The following SPARCL1 variants were observed in gnomAD, a reference collection of about 807,000 sequenced individuals.
The protein encoded by SPARCL1 is SPARC like 1, also known as SPARC-like protein 1.
A neutral mutation model predicts 67.1 loss-of-function variants in SPARCL1; 52 were observed. That is an observed-to-expected ratio of 0.78 (90% CI 0.62 to 0.98). SPARCL1 has a LOEUF of 0.98. Ranked by LOEUF, SPARCL1 falls within the 50% of genes least tolerant of loss-of-function variation. SPARCL1 has a pLI of 0.00. For missense variants in SPARCL1, 717 were observed against 782.4 expected (o/e 0.92, Z 1.00); for synonymous variants, 226 against 267.8 (o/e 0.84, Z 1.52).
rs771761918 is a variant in SPARCL1, at chr4:87,515,373, C to T, written c.-12+13672G>A. Among the ~76,000 whole-genome samples, 34 of 152,256 alleles carry T rather than the reference C, an allele frequency of 2.2e-4. 1 individual carries two copies. Among genetic ancestry groups the T allele is most frequent in the Middle Eastern group, 3.4e-3 (1 of 294 alleles). On this transcript the variant is annotated intron_variant, in intron 1 of 10. Coordinates refer to ENST00000282470, the MANE Select transcript of SPARCL1 (RefSeq NM_004684.6). ...ATCCTATAGTTATTTGGTAATTTCA[C>T]CAACTGTAAAAATGAAATGAAAGAT...
At position 87,504,406 on chromosome 4, in the gene SPARCL1, G is replaced by A. The variant is rs114188913; in HGVS notation, c.-11-4821C>T. On this transcript the variant is annotated intron_variant, in intron 1 of 10. Transcript: ENST00000282470. ...AATGGGTGTTTACTTTATTTAGAAC[G>A]GGTAATGGCATATAAAATATACTTG... 4.1e-3 allele frequency among the ~76,000 whole-genome samples: 621 copies of A among 152,112 alleles called. 5 individuals are homozygous for A. The highest frequency in any genetic ancestry group is 0.014 in the African/African-American group (591 of 41,484).
At chr4:87,497,313 G>A (rs1560820806) in intron 2 of SPARCL1, 1 of 714,562 alleles carries the variant, frequency 1.4e-6, no homozygotes, top group Non-Finnish European at 1.7e-6. Flanking sequence ...AAGAATGGTG[G>A]CCACTTTGGT....
intron 1 of SPARCL1, among the ~76,000 whole-genome samples, chr4:87,503,313 G>A (rs915367894): frequency 3.9e-5 from 6 of 152,168 alleles, no homozygotes; most frequent in Admixed American, 1.3e-4. Flanking sequence ...CAGTGTGAAT[G>A]GCTTCCTTCT....
intron 8 of SPARCL1, among the ~76,000 whole-genome samples, chr4:87,481,156 C>T (rs1259768444): frequency 2.0e-5 from 3 of 152,166 alleles, no homozygotes; most frequent in Non-Finnish European, 4.4e-5. Flanking sequence ...TGGAAGCAAA[C>T]AGGACCTCCA....
intron 1 of SPARCL1, among the ~76,000 whole-genome samples, chr4:87,515,642 C>T (rs574660506): frequency 9.2e-5 from 14 of 152,224 alleles, no homozygotes; most frequent in African/African-American, 2.6e-4. Flanking sequence ...TTCAGGAGAA[C>T]CTCAGCTGGA....
Position 87,499,592 on chromosome 4 carries a change from A to C in SPARCL1, c.-11-7T>G. On this transcript the variant is annotated splice_region_variant and splice_polypyrimidine_tract_variant and intron_variant, in intron 1 of 10. Coordinates refer to ENST00000282470, the MANE Select transcript of SPARCL1 (RefSeq NM_004684.6). ...GTCTTCATGCTTTCCAGATCTGTGA[A>C]CCAAGAAGATAATTATCAGTGGCAG... The C allele has an allele frequency of 1.3e-6, 2 of 1,582,362 alleles. No individual in the cohort carries two copies. The highest frequency in any genetic ancestry group is 1.7e-6 in the Non-Finnish European group (2 of 1,170,656).
intron 1 of SPARCL1, among the ~76,000 whole-genome samples, chr4:87,502,511 A>G (rs533512708): frequency 1.3e-5 from 2 of 152,288 alleles, no homozygotes; most frequent in South Asian, 4.1e-4. Context: ...GAGTGAGAAT[A>G]TGCTTATATA....
rs372795399 is a variant in SPARCL1 at position 87,494,286 on chromosome 4, G to A, written c.514C>T (p.His172Tyr). Residue 172 changes from histidine to tyrosine, a missense_variant, in exon 4 of 11, where the codon CAT (histidine) becomes TAT (tyrosine). By Grantham distance (83) the His-to-Tyr change is moderately conservative. Transcript: ENST00000282470. ...ENQEQPRNYS[H>Y]HQLNRSSKHS... ...TTACTGCTCCTGTTCAACTGATGAT[G>A]TGAATAATTTCTAGGTTGTTCTTGG... 11 of 1,614,024 alleles carry A rather than the reference G, an allele frequency of 6.8e-6. No homozygotes were observed. The highest frequency in any genetic ancestry group is 9.3e-6 in the Non-Finnish European group (11 of 1,179,986).
At chr4:87,502,811 G>A (rs4693168) in intron 1 of SPARCL1, among the ~76,000 whole-genome samples, 42,103 of 152,104 alleles carry the variant, frequency 0.28, 6,502 homozygotes, top group East Asian at 0.6. Context: ...AGGGCTTGGA[G>A]GGCTTCCAAA....
At position 87,479,533 on chromosome 4, in the gene SPARCL1, C is replaced by T. The variant is rs748314466; in HGVS notation, c.1863G>A (p.Val621=). Residue 621 remains valine, a synonymous_variant, in exon 10 of 11, where the codon GTG becomes GTA. Transcript: ENST00000282470. ...SELAPLRASL[V]PMEHCITRFF... ...AACGGGTTATGCAGTGTTCCATGGG[C>T]ACCAGAGATGCTCGCAGAGGAGCAA... The T allele has an allele frequency of 5.6e-6, 9 of 1,614,124 alleles. No individual in the cohort carries two copies. In the East Asian group the frequency reaches 1.8e-4, roughly 32 times the overall value.
At chr4:87,484,282 GT>G (rs1560813832) in intron 7 of SPARCL1, among the ~76,000 whole-genome samples, 1 of 151,944 alleles carries the variant, frequency 6.6e-6, no homozygotes, top group Admixed American at 6.6e-5. Flanking sequence ...AAGGGATCCA[GT>G]TTCAGTTTTC....
chr4:87,515,846 A>G (rs1002005507), intron 1 of SPARCL1, among the ~76,000 whole-genome samples: 25 of 152,336 alleles, frequency 1.6e-4, no homozygotes, highest in African/African-American at 5.8e-4. Context: ...TCTAACTCAC[A>G]TGAGTAACTG....
intron 7 of SPARCL1, among the ~76,000 whole-genome samples, chr4:87,484,777 TC>T (rs1723984365): frequency 6.6e-6 from 1 of 152,210 alleles, no homozygotes; most frequent in African/African-American, 2.4e-5. Flanking sequence ...AAGAGGTCCT[TC>T]ACATCCATTG....
rs1324987681 is a variant in SPARCL1, at chr4:87,483,587, TTTGGGTATATACCCA to T, written c.1532-1042_1532-1028del. Among the ~76,000 whole-genome samples, 9 of 152,382 alleles carry T rather than the reference TTTGGGTATATACCCA, an allele frequency of 5.9e-5. No individual in the cohort carries two copies. The East Asian group carries it at 1.5e-3, about 26-fold the overall frequency. On this transcript the variant is annotated intron_variant, in intron 7 of 10. Transcript: ENST00000282470. ...TTTATAGTAGAATGATTTGTAACCC[TTTGGGTATATACCCA>T]GTAATGGGATTGCTGTATCAAATGG...
intron 1 of SPARCL1, among the ~76,000 whole-genome samples, chr4:87,525,067 G>A (rs888920915): frequency 2.0e-5 from 3 of 151,776 alleles, no homozygotes; most frequent in Non-Finnish European, 4.4e-5. Flanking sequence ...GGAGGCTGAG[G>A]CACAAGAATC....
At chr4:87,524,228 A>C (rs1489157364) in intron 1 of SPARCL1, among the ~76,000 whole-genome samples, 1 of 151,430 alleles carries the variant, frequency 6.6e-6, no homozygotes, top group Non-Finnish European at 1.5e-5. Flanking sequence ...AAAAAGTCAC[A>C]ATTCTTTTTT....
In SPARCL1 at chr4:87,494,498, T is replaced by C; in HGVS notation, c.302A>G (p.Glu101Gly). ...CACACTTAAGTGACCATCACTGTCC[T>C]CTTGATCCTTCAATCCCAGCTCTTG... ...SSQELGLKDQ[E>G]DSDGHLSVNL... The change falls in exon 4 of 11, where the codon GAG becomes GGG. Residue 101 changes from glutamate to glycine, a missense_variant. Transcript: ENST00000282470. The C allele has an allele frequency of 6.2e-7, 1 of 1,614,162 alleles. No homozygotes were observed.
chr4:87,516,022 A>T (rs1216053347), intron 1 of SPARCL1, among the ~76,000 whole-genome samples: 1 of 152,200 alleles, frequency 6.6e-6, no homozygotes, highest in Non-Finnish European at 1.5e-5. Flanking sequence ...TTGAGATAGA[A>T]ATGATGTTCT....
At chr4:87,526,316 T>G (rs1473176878) in intron 1 of SPARCL1, among the ~76,000 whole-genome samples, 5 of 152,206 alleles carry the variant, frequency 3.3e-5, no homozygotes, top group Non-Finnish European at 7.3e-5. Flanking sequence ...AAAAAGGCAA[T>G]TCAAAGAATA....
Sources: allele counts gnomAD v4.1 joint callset (sites outside exome capture counted in the v4.1 genomes callset), GRCh38; gene constraint gnomAD v4.1.1; transcripts MANE v1.5; gene names NCBI Gene and HGNC (gene_info 2026-07-23, HGNC 2026-07-21).